KDM4D: variants seen among roughly 807,000 people sequenced by gnomAD.
KDM4D encodes lysine-specific demethylase 4D.
For synonymous variants in KDM4D, 254 were observed against 249.1 expected (o/e 1.02, Z -0.19); for missense variants, 427 against 674.8 (o/e 0.63, Z 4.07).
chr11:94,999,421 A>T lies in KDM4D; in HGVS notation c.*477A>T, dbSNP rs1858008689. ...GATAAGGTCAGTAGAGTTCCAGAAT[A>T]AAAGATATGACTTTTCTGAGTTATT... On this transcript the variant is annotated 3_prime_UTR_variant, in exon 3 of 3. Coordinates refer to ENST00000335080, the MANE Select transcript of KDM4D (RefSeq NM_018039.3). 6.0e-6 allele frequency: 1 copy of T among 167,382 alleles called. No homozygotes were observed. The highest frequency in any genetic ancestry group is 1.5e-5 in the Non-Finnish European group (1 of 68,338). The allele number at this position is 167,382 out of a possible 1,614,324, so 10.4% of individuals were successfully genotyped here.
At chr11:94,984,934 A>G (rs1454757504) in intron 2 of KDM4D, among the ~76,000 whole-genome samples, 1 of 152,196 alleles carries the variant, frequency 6.6e-6, no homozygotes, top group Non-Finnish European at 1.5e-5. Context: ...AGTGTAGCCT[A>G]TTCATGACTG....
At chr11:94,996,060 T>A (rs1857973382) in intron 2 of KDM4D, among the ~76,000 whole-genome samples, 1 of 152,214 alleles carries the variant, frequency 6.6e-6, no homozygotes, top group South Asian at 2.1e-4. Context: ...TCTTTATTCT[T>A]TGTTAGTTCC....
chr11:94,993,720 A>G (rs1857955375), intron 2 of KDM4D, among the ~76,000 whole-genome samples: 1 of 152,070 alleles, frequency 6.6e-6, no homozygotes, highest in Non-Finnish European at 1.5e-5. Context: ...TCAAAAAAAT[A>G]TATAGGTTTG....
At chr11:94,988,337 C>A (rs1191327017) in intron 2 of KDM4D, among the ~76,000 whole-genome samples, 1 of 152,142 alleles carries the variant, frequency 6.6e-6, no homozygotes, top group Non-Finnish European at 1.5e-5. Context: ...TATTTGTGGC[C>A]ATCAAATAAC....
intron 2 of KDM4D, among the ~76,000 whole-genome samples, chr11:94,978,751 A>C (rs1474571094): frequency 1.3e-5 from 2 of 152,252 alleles, no homozygotes; most frequent in Admixed American, 1.3e-4. Flanking sequence ...CATGCCAGGC[A>C]AATTCTAATT....
intron 2 of KDM4D, among the ~76,000 whole-genome samples, chr11:94,981,805 C>T (rs587624282): frequency 1.6e-4 from 25 of 151,708 alleles, no homozygotes; most frequent in African/African-American, 6.0e-4. Flanking sequence ...TTTTGTTCAT[C>T]ATATTTTATA....
chr11:94,983,200 A>G (rs1303601828), intron 2 of KDM4D, among the ~76,000 whole-genome samples: 3 of 152,014 alleles, frequency 2.0e-5, no homozygotes, highest in Non-Finnish European at 4.4e-5. Flanking sequence ...CTATCCTTAC[A>G]TTGTAACTTA....
intron 2 of KDM4D, among the ~76,000 whole-genome samples, chr11:94,990,809 T>C (rs1857928680): frequency 6.6e-6 from 1 of 152,200 alleles, no homozygotes; most frequent in African/African-American, 2.4e-5. Flanking sequence ...TAGGTACCTC[T>C]GGGAGTGACA....
chr11:94,983,030 A>G (rs1857855053), intron 2 of KDM4D, among the ~76,000 whole-genome samples: 1 of 152,058 alleles, frequency 6.6e-6, no homozygotes, highest in African/African-American at 2.4e-5. Flanking sequence ...TTTACTCTAT[A>G]AATATACCCA....
intron 2 of KDM4D, among the ~76,000 whole-genome samples, chr11:94,988,940 A>G (rs781835225): frequency 9.9e-5 from 15 of 152,186 alleles, no homozygotes; most frequent in Non-Finnish European, 2.1e-4. Flanking sequence ...GTCATGCAAC[A>G]ACCTGAAGAC....
intron 2 of KDM4D, among the ~76,000 whole-genome samples, chr11:94,989,576 A>T (rs1857915880): frequency 6.6e-6 from 1 of 152,162 alleles, no homozygotes; most frequent in Non-Finnish European, 1.5e-5. Flanking sequence ...TTTGGGTTTT[A>T]TGTCACAGTT....
intron 2 of KDM4D, among the ~76,000 whole-genome samples, chr11:94,977,212 CA>C: frequency 6.6e-6 from 1 of 152,282 alleles, no homozygotes. Flanking sequence ...TGGATTATCA[CA>C]TTACAGCATC....
At chr11:94,983,234 A>G (rs587709701) in intron 2 of KDM4D, among the ~76,000 whole-genome samples, 1 of 152,100 alleles carries the variant, frequency 6.6e-6, no homozygotes, top group East Asian at 1.9e-4. Context: ...AAGGATTCCA[A>G]CTGAATGGGG....
chr11:94,990,346 AGG>A (rs1857924652), intron 2 of KDM4D, among the ~76,000 whole-genome samples: 2 of 152,210 alleles, frequency 1.3e-5, no homozygotes, highest in Non-Finnish European at 2.9e-5. Flanking sequence ...ACCCTGATGT[AGG>A]AGAGCCTCAG....
At chr11:94,976,836 A>G (rs1225469708) in intron 2 of KDM4D, among the ~76,000 whole-genome samples, 1 of 152,202 alleles carries the variant, frequency 6.6e-6, no homozygotes, top group East Asian at 1.9e-4. Flanking sequence ...TAAGAAGAAA[A>G]TTTAAGAAAC....
chr11:94,983,521 G>C (rs115302723), intron 2 of KDM4D, among the ~76,000 whole-genome samples: 2,620 of 152,088 alleles, frequency 0.017, 78 homozygotes, highest in African/African-American at 0.059. Flanking sequence ...GGTGTGCTGA[G>C]ATAAGTTATT....
At position 94,999,028 on chromosome 11, in the gene KDM4D, T is replaced by C. The variant is rs587696935; in HGVS notation, c.*84T>C. The stretch of plus-strand genomic sequence containing the variant: ...TTACATTTACATCCCAAAACTTTGG[T>C]TGAGTTTGCAGGACTCTAGGCATGC... On this transcript the variant is annotated 3_prime_UTR_variant, in exon 3 of 3. Coordinates refer to ENST00000335080, the MANE Select transcript of KDM4D (RefSeq NM_018039.3). 6 of 1,373,048 alleles carry C rather than the reference T, an allele frequency of 4.4e-6. No homozygotes were observed. In the African/African-American group the frequency reaches 7.2e-5, roughly 17 times the overall value. 85.1% of individuals were successfully genotyped at this position (1,373,048 alleles called of 1,614,324 possible). A position where few individuals can be genotyped will look rare whatever the true frequency, so the allele number is the denominator to read the frequency against.
At chr11:94,993,513 G>GTTTT (rs201151130) in intron 2 of KDM4D, among the ~76,000 whole-genome samples, 3 of 142,044 alleles carry the variant, frequency 2.1e-5, no homozygotes, top group Non-Finnish European at 3.0e-5. Context: ...ATTCTAAGCA[G>GTTTT]TTTTTTTTTT....
Position 94,997,664 on chromosome 11 carries a change from G to C in KDM4D, c.292G>C (p.Val98Leu). 1 of 1,614,236 alleles carries C rather than the reference G, an allele frequency of 6.2e-7. No individual in the cohort carries two copies. The highest frequency in any genetic ancestry group is 1.1e-5 in the South Asian group (1 of 91,086). ...QYHKKKKAMT[V>L]GEYRHLANSK... is the part of the protein sequence containing the mutation. ...CCATAAAAAAAAGAAAGCCATGACTGTGGGGGAGTATCGCCATTTGGCAAA... is the reference window on the plus strand; with the variant it reads ...CCATAAAAAAAAGAAAGCCATGACTCTGGGGGAGTATCGCCATTTGGCAAA... The change falls in exon 3 of 3, where the codon GTG becomes CTG. Residue 98 changes from valine (V) to leucine (L), a missense_variant. Val to Leu is a conservative substitution (Grantham distance 32). Coordinates refer to ENST00000335080, the MANE Select transcript of KDM4D (RefSeq NM_018039.3).
Sources: gnomAD v4.1 joint callset for allele counts (sites outside exome capture counted in the v4.1 genomes callset) on GRCh38, gnomAD v4.1.1 for gene constraint, MANE v1.5 for transcripts, NCBI Gene and HGNC (gene_info 2026-07-23, HGNC 2026-07-21) for gene names.